PTPRD: variants seen among roughly 807,000 people sequenced by gnomAD.
PTPRD encodes receptor-type tyrosine-protein phosphatase delta.
In PTPRD, 34 loss-of-function variants were observed where a neutral mutation model predicts 214.5. The ratio of observed to expected loss-of-function variants is 0.16; its 90% CI spans 0.12 to 0.21. The LOEUF (loss-of-function observed/expected upper bound fraction) is 0.21. Among genes scored for constraint, PTPRD ranks in the 10% least tolerant of loss-of-function variants. PTPRD has a pLI of 1.00. For missense variants in PTPRD, 2,545 were observed against 2,398.7 expected (o/e 1.06, Z -1.27); for synonymous variants, 1,128 against 845.7 (o/e 1.33, Z -5.79).
At chr9:10,372,455 G>A (rs188358303) in intron 2 of PTPRD, among the ~76,000 whole-genome samples, 2 of 152,164 alleles carry the variant, frequency 1.3e-5, no homozygotes, top group South Asian at 2.1e-4. Context: ...TATCTGGATT[G>A]TAGCTCATAC....
chr9:9,965,721 G>C (rs1464016788), intron 4 of PTPRD, among the ~76,000 whole-genome samples: 1 of 152,184 alleles, frequency 6.6e-6, no homozygotes, highest in Non-Finnish European at 1.5e-5. Flanking sequence ...TGTTGGGTAA[G>C]TGTTGTAAGC....
intron 10 of PTPRD, among the ~76,000 whole-genome samples, chr9:9,068,077 ATTTAATATTTAACC>A (rs1342071247): frequency 2.0e-5 from 3 of 152,124 alleles, no homozygotes; most frequent in Admixed American, 2.0e-4. Context: ...ACATAAATAC[ATTTAATATTTAACC>A]TTTTTTAGAT....
At chr9:9,092,539 T>C (rs2099777732) in intron 10 of PTPRD, among the ~76,000 whole-genome samples, 1 of 152,066 alleles carries the variant, frequency 6.6e-6, no homozygotes, top group Non-Finnish European at 1.5e-5. Context: ...AGTGTAATAG[T>C]TATTCTATTC....
chr9:9,578,027 CAG>C (rs1334293081), intron 7 of PTPRD, among the ~76,000 whole-genome samples: 5 of 102,398 alleles, frequency 4.9e-5, no homozygotes, highest in Admixed American at 1.7e-4. Flanking sequence ...GCCTTGGTGA[CAG>C]AGTAAGACTC....
intron 11 of PTPRD, among the ~76,000 whole-genome samples, chr9:8,758,087 C>G (rs940470118): frequency 2.0e-5 from 3 of 152,172 alleles, no homozygotes; most frequent in Non-Finnish European, 2.9e-5. Context: ...CTGCCTCCAG[C>G]CTACCTCATC....
At chr9:8,823,846 AAAG>A (rs1326997210) in intron 11 of PTPRD, among the ~76,000 whole-genome samples, 2 of 152,192 alleles carry the variant, frequency 1.3e-5, no homozygotes, top group Non-Finnish European at 2.9e-5. Context: ...TAAAAAAGTA[AAAG>A]AATAAAAGAA....
At chr9:9,360,109 T>C (rs749019819) in intron 9 of PTPRD, among the ~76,000 whole-genome samples, 25 of 151,244 alleles carry the variant, frequency 1.7e-4, no homozygotes, top group Non-Finnish European at 3.3e-4. Context: ...TTAATATTTG[T>C]GGTAAGTACA....
chr9:8,825,295 G>A (rs1321388104), intron 11 of PTPRD, among the ~76,000 whole-genome samples: 1 of 152,148 alleles, frequency 6.6e-6, no homozygotes, highest in African/African-American at 2.4e-5. Context: ...ATAACTTAAA[G>A]GAAAGTACAC....
intron 5 of PTPRD, among the ~76,000 whole-genome samples, chr9:9,910,231 T>C (rs1254511405): frequency 6.6e-6 from 1 of 151,998 alleles, no homozygotes; most frequent in Non-Finnish European, 1.5e-5. Flanking sequence ...GAAAATTGTA[T>C]TATTGTAGAG....
chr9:9,340,780 A>T (rs1039046169), intron 9 of PTPRD, among the ~76,000 whole-genome samples: 9 of 152,234 alleles, frequency 5.9e-5, no homozygotes, highest in African/African-American at 2.2e-4. Context: ...GCGAAGTAAC[A>T]AGAAAGGATT....
chr9:8,615,668 A>G (rs2095588442), intron 14 of PTPRD, among the ~76,000 whole-genome samples: 2 of 152,126 alleles, frequency 1.3e-5, no homozygotes, highest in African/African-American at 4.8e-5. Context: ...ATATACACTC[A>G]GTGGCTTTTC....
intron 11 of PTPRD, among the ~76,000 whole-genome samples, chr9:8,912,962 T>A (rs1046554745): frequency 3.9e-5 from 6 of 152,138 alleles, no homozygotes; most frequent in Non-Finnish European, 7.4e-5. Flanking sequence ...TACACAAATG[T>A]TAATTATAAT....
intron 10 of PTPRD, among the ~76,000 whole-genome samples, chr9:9,045,401 A>T (rs2099669251): frequency 1.3e-5 from 2 of 149,966 alleles, no homozygotes; most frequent in African/African-American, 2.5e-5. Flanking sequence ...AGCATGTGGG[A>T]GGGTGGGGGT....
intron 9 of PTPRD, among the ~76,000 whole-genome samples, chr9:9,220,654 T>C (rs1179996672): frequency 3.3e-5 from 5 of 152,102 alleles, no homozygotes; most frequent in Non-Finnish European, 7.4e-5. Context: ...GGGGGTTGAA[T>C]TCAAATATTG....
intron 3 of PTPRD, among the ~76,000 whole-genome samples, chr9:10,324,852 G>T (rs575072852): frequency 6.6e-6 from 1 of 152,054 alleles, no homozygotes; most frequent in South Asian, 2.1e-4. Flanking sequence ...TGTTCTCAAA[G>T]TTTTGGAACT....
At chr9:8,344,834 C>T (rs1469095115) in intron 39 of PTPRD, among the ~76,000 whole-genome samples, 1 of 151,844 alleles carries the variant, frequency 6.6e-6, no homozygotes, top group African/African-American at 2.4e-5. Flanking sequence ...TGACAGTTAA[C>T]TCTTATTAAC....
chr9:8,490,029 G>T (rs1203544205), intron 27 of PTPRD, among the ~76,000 whole-genome samples: 1 of 152,164 alleles, frequency 6.6e-6, no homozygotes, highest in Non-Finnish European at 1.5e-5. Context: ...TAATGCCTTA[G>T]GGTTATTCTG....
intron 8 of PTPRD, among the ~76,000 whole-genome samples, chr9:9,475,407 G>C (rs1589370765): frequency 1.3e-5 from 2 of 152,224 alleles, no homozygotes; most frequent in African/African-American, 4.8e-5. Flanking sequence ...GGAAGATTTT[G>C]AGTAAAACAT....
intron 9 of PTPRD, among the ~76,000 whole-genome samples, chr9:9,268,626 A>G (rs1402819489): frequency 6.6e-6 from 1 of 151,162 alleles, no homozygotes; most frequent in Non-Finnish European, 1.5e-5. Flanking sequence ...ATAAAAACCT[A>G]TAGCAATCAA....
Sources: gnomAD v4.1 joint callset for allele counts (sites outside exome capture counted in the v4.1 genomes callset) on GRCh38, gnomAD v4.1.1 for gene constraint, MANE v1.5 for transcripts, NCBI Gene and HGNC (gene_info 2026-07-23, HGNC 2026-07-21) for gene names.